The following ATP8A1 variants were observed in gnomAD, a reference collection of about 807,000 sequenced individuals.
ATP8A1 encodes phospholipid-transporting ATPase IA.
Under a neutral mutation model 177.7 loss-of-function variants are expected in ATP8A1, and 90 were observed. The ratio of observed to expected loss-of-function variants is 0.51; its 90% CI spans 0.43 to 0.60. ATP8A1 has a LOEUF of 0.60. Among genes scored for constraint, ATP8A1 ranks in the 20% least tolerant of loss-of-function variants. The pLI is 0.00. For missense variants in ATP8A1, 1,072 were observed against 1,392.8 expected (o/e 0.77, Z 3.67); for synonymous variants, 493 against 485.9 (o/e 1.01, Z -0.19).
At chr4:42,416,722 G>A (rs951657465) in intron 35 of ATP8A1, among the ~76,000 whole-genome samples, 11 of 152,078 alleles carry the variant, frequency 7.2e-5, no homozygotes, top group African/African-American at 2.2e-4. Flanking sequence ...TATCAGGAGG[G>A]CAGTACTTAA....
At chr4:42,498,411 A>G (rs1411020510) in intron 24 of ATP8A1, among the ~76,000 whole-genome samples, 1 of 152,230 alleles carries the variant, frequency 6.6e-6, no homozygotes, top group Non-Finnish European at 1.5e-5. Flanking sequence ...TTCAGCTAGA[A>G]AAAAGTTAGC....
At chr4:42,430,229 G>A (rs1323956336) in intron 33 of ATP8A1, among the ~76,000 whole-genome samples, 1 of 151,802 alleles carries the variant, frequency 6.6e-6, no homozygotes, top group Non-Finnish European at 1.5e-5. Context: ...GCCCTTCCAC[G>A]TTTGCCTAGG....
chr4:42,520,142 G>C (rs1251146204), intron 22 of ATP8A1, among the ~76,000 whole-genome samples: 1 of 152,098 alleles, frequency 6.6e-6, no homozygotes, highest in Non-Finnish European at 1.5e-5. Flanking sequence ...AAACTCTAGG[G>C]CATCCAGAGA....
At chr4:42,431,373 G>T (rs1255268974) in intron 33 of ATP8A1, among the ~76,000 whole-genome samples, 1 of 152,004 alleles carries the variant, frequency 6.6e-6, no homozygotes, top group Non-Finnish European at 1.5e-5. Flanking sequence ...TCACAAATTG[G>T]GAAGAACTTA....
chr4:42,583,853 G>T (rs1163851524), intron 9 of ATP8A1, among the ~76,000 whole-genome samples: 1 of 152,196 alleles, frequency 6.6e-6, no homozygotes, highest in Non-Finnish European at 1.5e-5. Flanking sequence ...TCACAGCATA[G>T]ATTTGCTCAG....
chr4:42,555,148 ATCT>A (rs1347445806), intron 16 of ATP8A1, among the ~76,000 whole-genome samples: 32 of 87,458 alleles, frequency 3.7e-4, no homozygotes, highest in South Asian at 2.8e-3. Context: ...TAATCTATCT[ATCT>A]ATCTATCTAT....
At chr4:42,593,579 A>G (rs1320393934) in intron 6 of ATP8A1, among the ~76,000 whole-genome samples, 2 of 152,062 alleles carry the variant, frequency 1.3e-5, no homozygotes, top group Non-Finnish European at 2.9e-5. Flanking sequence ...ATGTGGATTT[A>G]CAAATAAACC....
chr4:42,414,481 TTC>T, intron 36 of ATP8A1, 144 bp downstream of exon 36: 1 of 634,304 alleles, frequency 1.6e-6, no homozygotes. Context: ...CCAATGGATT[TTC>T]TGTTATTTAC....
chr4:42,456,053 C>T (rs965071873), intron 27 of ATP8A1, among the ~76,000 whole-genome samples: 2 of 152,108 alleles, frequency 1.3e-5, no homozygotes, highest in African/African-American at 2.4e-5. Flanking sequence ...TTTTTGTCTG[C>T]ACTGGTTGTA....
At chr4:42,416,819 C>T (rs550134019) in intron 35 of ATP8A1, among the ~76,000 whole-genome samples, 31 of 152,270 alleles carry the variant, frequency 2.0e-4, no homozygotes, top group African/African-American at 7.0e-4. Context: ...GGCCCTCCCA[C>T]CTTTACCCCC....
intron 19 of ATP8A1, 91 bp from the exon 20 acceptor site, chr4:42,544,077 T>TA (rs1283826240): frequency 5.7e-6 from 6 of 1,055,288 alleles, no homozygotes; most frequent in East Asian, 2.5e-5. Flanking sequence ...ATATTCACAG[T>TA]AAAAAAATAA....
At chr4:42,449,218 C>T (rs1367680592) in intron 30 of ATP8A1, among the ~76,000 whole-genome samples, 3 of 152,236 alleles carry the variant, frequency 2.0e-5, no homozygotes, top group Non-Finnish European at 2.9e-5. Flanking sequence ...TTCCTTGAGA[C>T]AATCACTGCA....
chr4:42,440,629 G>GA (rs1284706460), intron 33 of ATP8A1, among the ~76,000 whole-genome samples: 1 of 151,564 alleles, frequency 6.6e-6, no homozygotes, highest in Non-Finnish European at 1.5e-5. Context: ...TTGATTGATT[G>GA]AAAAAAAATA....
intron 27 of ATP8A1, among the ~76,000 whole-genome samples, chr4:42,457,155 A>T (rs1279404306): frequency 6.6e-6 from 1 of 152,166 alleles, no homozygotes; most frequent in Non-Finnish European, 1.5e-5. Flanking sequence ...TTTATGGAAA[A>T]TTTTTGATAA....
At chr4:42,654,350 C>A (rs1484821718) in intron 1 of ATP8A1, among the ~76,000 whole-genome samples, 2 of 152,164 alleles carry the variant, frequency 1.3e-5, no homozygotes, top group African/African-American at 4.8e-5. Flanking sequence ...AACTTACAGG[C>A]ATGACAGTCA....
chr4:42,519,016 C>T (rs995857405), intron 22 of ATP8A1, among the ~76,000 whole-genome samples: 5 of 152,146 alleles, frequency 3.3e-5, no homozygotes, highest in African/African-American at 1.2e-4. Flanking sequence ...CTACAGTCCT[C>T]CTATGATCAC....
chr4:42,571,065 T>C (rs1032853466), intron 14 of ATP8A1, among the ~76,000 whole-genome samples: 1 of 152,154 alleles, frequency 6.6e-6, no homozygotes, highest in African/African-American at 2.4e-5. Flanking sequence ...ACTTGAGATA[T>C]ACAGATAAAT....
chr4:42,611,426 G>GC (rs1478152538), intron 5 of ATP8A1, among the ~76,000 whole-genome samples: 2 of 152,046 alleles, frequency 1.3e-5, no homozygotes, highest in East Asian at 3.9e-4. Flanking sequence ...TTTAACTATA[G>GC]CATCAAACCA....
intron 30 of ATP8A1, among the ~76,000 whole-genome samples, chr4:42,447,831 C>A (rs4861029): frequency 1.3e-5 from 2 of 152,076 alleles, no homozygotes; most frequent in Non-Finnish European, 2.9e-5. Flanking sequence ...TTAGCTAAAA[C>A]GAGTGAAGCT....
Sources: allele counts gnomAD v4.1 joint callset (sites outside exome capture counted in the v4.1 genomes callset), GRCh38; gene constraint gnomAD v4.1.1; transcripts MANE v1.5; gene names NCBI Gene and HGNC (gene_info 2026-07-23, HGNC 2026-07-21).